The following CALD1 variants were observed in gnomAD, a reference collection of about 807,000 sequenced individuals.
CALD1 encodes the protein caldesmon.
A neutral mutation model predicts 99.9 loss-of-function variants in CALD1; 33 were observed. That is an observed-to-expected ratio of 0.33 (90% CI 0.25 to 0.44). CALD1 has a LOEUF of 0.44. CALD1 is among the 20% of genes least tolerant of loss of function. CALD1 has a pLI of 1.00. For synonymous variants in CALD1, 310 were observed against 325.0 expected, an observed-to-expected ratio of 0.95 and a Z score of 0.50; for missense variants, 861 against 962.1, an observed-to-expected ratio of 0.89 and a Z score of 1.39.
intron 3 of CALD1, among the ~76,000 whole-genome samples, chr7:134,870,473 C>G (rs910875247): frequency 2.6e-5 from 4 of 152,134 alleles, no homozygotes; most frequent in African/African-American, 7.2e-5. Context: ...CTACGTGGTT[C>G]GTTCCTTTGA....
At chr7:134,741,652 G>A (rs1432440433), upstream of CALD1, among the ~76,000 whole-genome samples, 1 of 152,132 alleles carries the variant, frequency 6.6e-6, no homozygotes, top group African/African-American at 2.4e-5. Context: ...ATAGATCCAT[G>A]AGGTTTTGAC....
At chr7:134,729,583 C>T in the CALD1 span, among the ~76,000 whole-genome samples, 6 of 152,200 alleles carry the variant, frequency 3.9e-5, no homozygotes, top group Admixed American at 6.5e-5. Context: ...TTTGAAGGGC[C>T]GTACAGTGCA....
At chr7:134,859,316 A>AT (rs1405896895) in intron 2 of CALD1, among the ~76,000 whole-genome samples, 2 of 152,080 alleles carry the variant, frequency 1.3e-5, no homozygotes, top group Non-Finnish European at 2.9e-5. Context: ...AAGTCTACGC[A>AT]TTTTTTCTCA....
chr7:134,752,767 G>A (rs890660626), intron 1 of CALD1, among the ~76,000 whole-genome samples: 5 of 152,080 alleles, frequency 3.3e-5, no homozygotes, highest in Admixed American at 6.6e-5. Context: ...TTAGGAGGCC[G>A]AGGCGGGCAG....
chr7:134,872,357 C>CAAAAA (rs35569742), intron 3 of CALD1, among the ~76,000 whole-genome samples: 2 of 100,444 alleles, frequency 2.0e-5, no homozygotes, highest in African/African-American at 3.1e-5. Context: ...GACTCGGTCT[C>CAAAAA]AAAAAAAAAA....
intron 2 of CALD1, among the ~76,000 whole-genome samples, chr7:134,845,915 G>T (rs546152580): frequency 6.6e-6 from 1 of 152,306 alleles, no homozygotes; most frequent in East Asian, 1.9e-4. Flanking sequence ...TTCTCCCCTA[G>T]TGTTTTTGGA....
At chr7:134,851,577 C>T (rs1459429729) in intron 2 of CALD1, among the ~76,000 whole-genome samples, 3 of 152,148 alleles carry the variant, frequency 2.0e-5, no homozygotes, top group Non-Finnish European at 2.9e-5. Flanking sequence ...ATCTCAGCAA[C>T]GTCAAAATGA....
chr7:134,813,251 AT>A (rs1563018899), intron 1 of CALD1, among the ~76,000 whole-genome samples: 2 of 152,052 alleles, frequency 1.3e-5, no homozygotes, highest in African/African-American at 2.4e-5. Context: ...CATTTTCAGA[AT>A]TTTTTTTGAA....
chr7:134,711,941 T>C, the CALD1 span, among the ~76,000 whole-genome samples: 1 of 150,230 alleles, frequency 6.7e-6, no homozygotes, highest in Non-Finnish European at 1.5e-5. Flanking sequence ...CCCATTTATC[T>C]TTGTAACCTT....
upstream of CALD1, among the ~76,000 whole-genome samples, chr7:134,779,178 C>A (rs182206101): frequency 6.6e-6 from 1 of 152,166 alleles, no homozygotes; most frequent in African/African-American, 2.4e-5. Context: ...CCCACCCCCA[C>A]GCCCAATAAA....
At chr7:134,942,805 C>G (rs1480721644) in intron 7 of CALD1, among the ~76,000 whole-genome samples, 2 of 152,114 alleles carry the variant, frequency 1.3e-5, no homozygotes, top group Non-Finnish European at 2.9e-5. Context: ...TTAAGAAAAT[C>G]TGTCAGTAGA....
intron 8 of CALD1, chr7:134,948,031 G>T (rs992141569): frequency 5.4e-6 from 2 of 367,916 alleles, no homozygotes; most frequent in Non-Finnish European, 9.8e-6. Flanking sequence ...GTTTTTGTTT[G>T]TAACTTTCCC....
intron 1 of CALD1, among the ~76,000 whole-genome samples, chr7:134,760,167 G>A (rs574494027): frequency 7.9e-5 from 12 of 152,216 alleles, no homozygotes; most frequent in Non-Finnish European, 1.8e-4. Context: ...TGAAGTCTGA[G>A]AGATAGAAGG....
At chr7:134,750,756 GT>G (rs35880195) in intron 1 of CALD1, among the ~76,000 whole-genome samples, 3 of 150,230 alleles carry the variant, frequency 2.0e-5, no homozygotes, top group Non-Finnish European at 3.0e-5. Context: ...CTTCTATATT[GT>G]TTTTTTTTCA....
intron 1 of CALD1, among the ~76,000 whole-genome samples, chr7:134,751,598 T>C (rs6956766): frequency 0.67 from 101,185 of 152,068 alleles, 34,298 homozygotes; most frequent in East Asian, 0.99. Flanking sequence ...CTTCTCTTTA[T>C]CATCTTTGTA....
chr7:134,866,697 T>C (rs1355062689), intron 2 of CALD1: 1 of 152,218 alleles, frequency 6.6e-6, no homozygotes, highest in African/African-American at 2.4e-5. Flanking sequence ...TCGTCTCATG[T>C]GCACATAAAG....
intron 1 of CALD1, among the ~76,000 whole-genome samples, chr7:134,784,519 G>GC (rs1797232527): frequency 6.6e-6 from 1 of 152,240 alleles, no homozygotes; most frequent in Non-Finnish European, 1.5e-5. Context: ...ACAGCCAGGT[G>GC]AGTAAAGAAG....
chr7:134,784,056 A>T (rs1369597955), intron 1 of CALD1, among the ~76,000 whole-genome samples: 1 of 152,242 alleles, frequency 6.6e-6, no homozygotes, highest in Admixed American at 6.5e-5. Context: ...TAGTTGAAGG[A>T]AAATACATTT....
At chr7:134,834,543 T>C (rs777208987) in intron 1 of CALD1, among the ~76,000 whole-genome samples, 1 of 152,228 alleles carries the variant, frequency 6.6e-6, no homozygotes, top group Non-Finnish European at 1.5e-5. Context: ...GGGTAAACCA[T>C]TTAACCTCTC....
Sources: allele counts gnomAD v4.1 joint callset (sites outside exome capture counted in the v4.1 genomes callset), GRCh38; gene constraint gnomAD v4.1.1; transcripts MANE v1.5; gene names NCBI Gene and HGNC (gene_info 2026-07-23, HGNC 2026-07-21).